The following DCDC1 variants were observed in gnomAD, a reference collection of about 807,000 sequenced individuals.
DCDC1 encodes doublecortin domain containing 1, also known as doublecortin domain-containing protein 1.
Under a neutral mutation model 178.3 loss-of-function variants are expected in DCDC1, and 200 were observed. That is an observed-to-expected ratio of 1.12 (90% CI 1.00 to 1.26). DCDC1 has a LOEUF of 1.26. Among genes scored for constraint, DCDC1 ranks in the 50% most tolerant of loss-of-function variants. DCDC1 has a pLI of 0.00. For missense variants in DCDC1, 1,983 were observed against 1,749.2 expected, an observed-to-expected ratio of 1.13 and a Z score of -2.38; for synonymous variants, 690 against 604.8, an observed-to-expected ratio of 1.14 and a Z score of -2.07.
chr11:31,192,227 CCA>C (rs1970211458), intron 9 of DCDC1, among the ~76,000 whole-genome samples: 1 of 152,022 alleles, frequency 6.6e-6, no homozygotes, highest in African/African-American at 2.4e-5. Flanking sequence ...CAAAATTAGC[CCA>C]CACTGACTTA....
chr11:31,251,104 C>A, intron 8 of DCDC1, among the ~76,000 whole-genome samples: 1 of 152,140 alleles, frequency 6.6e-6, no homozygotes, highest in Non-Finnish European at 1.5e-5. Context: ...TAGCCCTATG[C>A]TGAACATGGG....
intron 9 of DCDC1, among the ~76,000 whole-genome samples, chr11:31,239,854 A>AT: frequency 6.6e-6 from 1 of 151,840 alleles, no homozygotes. Flanking sequence ...TTCTGAAAGT[A>AT]TTTTTTTCTT....
intron 14 of DCDC1, among the ~76,000 whole-genome samples, chr11:31,102,788 G>C (rs1324029503): frequency 6.6e-6 from 1 of 152,120 alleles, no homozygotes; most frequent in Non-Finnish European, 1.5e-5. Context: ...ATTCACACTA[G>C]TCACATTTCA....
intron 7 of DCDC1, among the ~76,000 whole-genome samples, chr11:31,284,049 C>T (rs1946644489): frequency 6.6e-6 from 1 of 151,988 alleles, no homozygotes; most frequent in Admixed American, 6.6e-5. Flanking sequence ...TTAGGACTCA[C>T]TTCAACTTTT....
intron 9 of DCDC1, among the ~76,000 whole-genome samples, chr11:31,159,193 G>C (rs1966060871): frequency 6.6e-6 from 1 of 152,134 alleles, no homozygotes; most frequent in South Asian, 2.1e-4. Context: ...AGCAACTTTT[G>C]TCCTGGTTCC....
rs146790802 is a variant in DCDC1 at position 31,247,979 on chromosome 11, T to C, written c.1055-6363A>G. 2.2e-3 allele frequency among the ~76,000 whole-genome samples: 333 copies of C among 152,198 alleles called. 2 individuals are homozygous for C. Among genetic ancestry groups the C allele is most frequent in the African/African-American group, 7.3e-3 (303 of 41,572 alleles). On this transcript the variant is annotated intron_variant, in intron 8 of 38. Coordinates refer to ENST00000684477, the MANE Select transcript of DCDC1 (RefSeq NM_001387274.1). ...TTAAAGAAATACTGAGAATTAACTA[T>C]ACCTAGTCAATTTTTATGTGGCCAT...
intron 9 of DCDC1, among the ~76,000 whole-genome samples, chr11:31,231,178 G>A (rs1591487447): frequency 1.3e-5 from 2 of 151,930 alleles, no homozygotes; most frequent in East Asian, 3.9e-4. Flanking sequence ...GCCCAGGATG[G>A]TCCCGAAATC....
At chr11:31,104,414 T>C (rs1958720376) in intron 13 of DCDC1, among the ~76,000 whole-genome samples, 2 of 151,946 alleles carry the variant, frequency 1.3e-5, no homozygotes, top group East Asian at 1.9e-4. Context: ...AATCTAATCA[T>C]GAGAAAACAC....
chr11:31,355,510 G>C (rs1015617328), intron 1 of DCDC1, among the ~76,000 whole-genome samples: 1 of 151,986 alleles, frequency 6.6e-6, no homozygotes, highest in African/African-American at 2.4e-5. Context: ...TAATAATTTA[G>C]ATATCTTAGA....
At chr11:31,280,885 A>G in intron 7 of DCDC1, 2 of 640,638 alleles carry the variant, frequency 3.1e-6, no homozygotes, top group African/African-American at 1.8e-5. Flanking sequence ...CGAAGAGACC[A>G]TGGAGATTAG....
At chr11:31,297,623 G>A (rs1316224823) in intron 6 of DCDC1, among the ~76,000 whole-genome samples, 4 of 152,110 alleles carry the variant, frequency 2.6e-5, no homozygotes, top group Non-Finnish European at 5.9e-5. Flanking sequence ...GGGATCACAG[G>A]CATGAGCCAC....
At chr11:31,045,725 A>G (rs1414916168) in intron 20 of DCDC1, among the ~76,000 whole-genome samples, 1 of 152,100 alleles carries the variant, frequency 6.6e-6, no homozygotes, top group Non-Finnish European at 1.5e-5. Context: ...AGATAAGCTC[A>G]TAAGTGCAGT....
At chr11:31,346,989 CTATT>C (rs1485376684) in intron 1 of DCDC1, among the ~76,000 whole-genome samples, 2 of 152,160 alleles carry the variant, frequency 1.3e-5, no homozygotes, top group Non-Finnish European at 2.9e-5. Context: ...TATTTTCCAA[CTATT>C]TAAGCTTATA....
intron 20 of DCDC1, among the ~76,000 whole-genome samples, chr11:31,062,502 T>C (rs16921733): frequency 0.026 from 3,969 of 152,168 alleles, 61 homozygotes; most frequent in Middle Eastern, 0.058. Flanking sequence ...GAGAATCTTG[T>C]ATGTGATTAA....
At chr11:30,919,285 T>C (rs1946073936) in intron 25 of DCDC1, among the ~76,000 whole-genome samples, 1 of 152,142 alleles carries the variant, frequency 6.6e-6, no homozygotes, top group African/African-American at 2.4e-5. Flanking sequence ...ATTATTTAAA[T>C]GTTAGAATGG....
Position 30,904,960 on chromosome 11 carries a change from C to T in DCDC1, c.4308+1G>A. ...GCAGCATTTAAGTGATAGCCACTTA[C>T]CATGGGGAATGTTCCAGCCACAATT... On this transcript the variant is annotated splice_donor_variant, in intron 31 of 38. Coordinates refer to ENST00000684477, the MANE Select transcript of DCDC1 (RefSeq NM_001387274.1). LOFTEE classifies it high-confidence loss of function. 6.2e-7 allele frequency: 1 copy of T among 1,613,710 alleles called. No individual in the cohort carries two copies. The highest frequency in any genetic ancestry group is 8.5e-7 in the Non-Finnish European group (1 of 1,179,656).
At chr11:31,139,696 T>C (rs1963585266) in intron 9 of DCDC1, among the ~76,000 whole-genome samples, 1 of 152,112 alleles carries the variant, frequency 6.6e-6, no homozygotes, top group Non-Finnish European at 1.5e-5. Context: ...CATTTAGAAC[T>C]GCTGCCAGGG....
At chr11:30,866,860 C>G (rs550112558) in intron 38 of DCDC1, among the ~76,000 whole-genome samples, 3 of 152,178 alleles carry the variant, frequency 2.0e-5, no homozygotes, top group African/African-American at 4.8e-5. Context: ...GTATTTGGGT[C>G]ATGAGGGATT....
intron 20 of DCDC1, among the ~76,000 whole-genome samples, chr11:30,981,917 G>A (rs1304805137): frequency 6.6e-6 from 1 of 152,042 alleles, no homozygotes; most frequent in Non-Finnish European, 1.5e-5. Flanking sequence ...AAGATAAAGG[G>A]ATTGGATAAG....
Sources: gnomAD v4.1 joint callset for allele counts (sites outside exome capture counted in the v4.1 genomes callset) on GRCh38, gnomAD v4.1.1 for gene constraint, MANE v1.5 for transcripts, NCBI Gene and HGNC (gene_info 2026-07-23, HGNC 2026-07-21) for gene names.